The following NPY variants were observed in gnomAD, a reference collection of about 807,000 sequenced individuals.
NPY encodes neuropeptide Y.
In NPY, 11 loss-of-function variants were observed where a neutral mutation model predicts 13.2. That is an observed-to-expected ratio of 0.83 (90% CI 0.52 to 1.38). The LOEUF (loss-of-function observed/expected upper bound fraction) is 1.38, where lower values mean the gene tolerates loss of function less well. Ranked by LOEUF, NPY falls within the 40% of genes most tolerant of loss-of-function variation. NPY has a pLI of 0.00. For synonymous variants in NPY, 51 were observed against 55.6 expected (o/e 0.92, Z 0.37); for missense variants, 109 against 125.1 (o/e 0.87, Z 0.61).
chr7:24,285,433 G>GT lies in NPY; in HGVS notation c.188+6dup. 1 of 1,608,326 alleles carries GT rather than the reference G, an allele frequency of 6.2e-7. No individual in the cohort carries two copies. Among genetic ancestry groups the GT allele is most frequent in the Non-Finnish European group, 8.5e-7 (1 of 1,175,766 alleles). On this transcript the variant is annotated splice_donor_region_variant and intron_variant, in intron 2 of 3. Transcript: ENST00000242152. The surrounding 1 kb of genome is among the most constrained non-coding windows in gnomAD (Gnocchi z 4.9). ...CAACCTCATCACCAGGCAGAGGTGG[G>GT]TGGGACCGCGGGACCGATTCCGGGA...
intron 2 of NPY, among the ~76,000 whole-genome samples, chr7:24,286,077 A>G (rs1181854041): frequency 6.6e-6 from 1 of 152,212 alleles, no homozygotes; most frequent in Non-Finnish European, 1.5e-5. Flanking sequence ...AGGTCTCCCT[A>G]TTTTATAGCT....
intron 2 of NPY, among the ~76,000 whole-genome samples, chr7:24,289,262 A>T (rs1378530411): frequency 2.6e-5 from 4 of 152,214 alleles, no homozygotes. Flanking sequence ...CGGTTTAAAT[A>T]ACCTCCTAGA....
Position 24,285,188 on chromosome 7 carries a change from G to C in NPY, c.1-53G>C. On this transcript the variant is annotated intron_variant, in intron 1 of 3. Coordinates refer to ENST00000242152, the MANE Select transcript of NPY (RefSeq NM_000905.4). This position sits in a 1 kb window ranked among gnomAD's most constrained non-coding sequence, Gnocchi z 4.9. ...GGGGGGCAGAGGAGGGAGGTGCTGC[G>C]CGTGGGTGCTCTGAATCCCCAAGCC... 6.3e-7 allele frequency: 1 copy of C among 1,586,258 alleles called. No individual in the cohort carries two copies. The highest frequency in any genetic ancestry group is 2.2e-5 in the East Asian group (1 of 44,716).
intron 3 of NPY, among the ~76,000 whole-genome samples, chr7:24,290,643 G>T (rs1049124158): frequency 6.6e-6 from 1 of 151,888 alleles, no homozygotes; most frequent in South Asian, 2.1e-4. Flanking sequence ...AGGGAACAAC[G>T]ATTTGAACTG....
At chr7:24,289,302 T>C (rs1467720004) in intron 2 of NPY, among the ~76,000 whole-genome samples, 197 bp from the exon 3 acceptor site, 2 of 152,334 alleles carry the variant, frequency 1.3e-5, no homozygotes, top group East Asian at 3.9e-4. Context: ...AGTTTAAATA[T>C]ATATACAAAT....
At chr7:24,290,365 T>G (rs541035739) in intron 3 of NPY, among the ~76,000 whole-genome samples, 2 of 152,268 alleles carry the variant, frequency 1.3e-5, no homozygotes, top group East Asian at 3.9e-4. Flanking sequence ...AAGATCATAG[T>G]TCACAGGGTC....
At position 24,285,094 on chromosome 7, in the gene NPY, T is replaced by G; in HGVS notation, c.1-147T>G. The G allele has an allele frequency of 1.2e-6, 1 of 838,694 alleles. No individual in the cohort carries two copies. The highest frequency in any genetic ancestry group is 2.0e-5 in the Admixed American group (1 of 49,894). The allele number at this position is 838,694 out of a possible 1,614,324, so 52.0% of individuals were successfully genotyped here. On this transcript the variant is annotated intron_variant, in intron 1 of 3. Transcript: ENST00000242152. The surrounding 1 kb of genome is among the most constrained non-coding windows in gnomAD (Gnocchi z 4.9). ...CCCGCAAGGTGGTGCTAGCCACTCC[T>G]GGGTTCTCTCTGCGGGACTGGGACG...
chr7:24,285,489 G>C lies in NPY; in HGVS notation c.188+61G>C. 6.6e-7 allele frequency: 1 copy of C among 1,510,068 alleles called. No homozygotes were observed. The highest frequency in any genetic ancestry group is 1.8e-5 in the Admixed American group (1 of 55,390). 93.5% of individuals were successfully genotyped at this position (1,510,068 alleles called of 1,614,324 possible). A position where few individuals can be genotyped will look rare whatever the true frequency, so the allele number is the denominator to read the frequency against. The stretch of plus-strand genomic sequence containing the variant: ...AGTGCCTGCACACCAGGAGATCCTG[G>C]GGATGTTAGGGAAAGGGATTGTTTC... On this transcript the variant is annotated intron_variant, in intron 2 of 3. Transcript: ENST00000242152. The surrounding 1 kb of genome is among the most constrained non-coding windows in gnomAD (Gnocchi z 4.9).
At chr7:24,290,253 G>A (rs1426947801) in intron 3 of NPY, among the ~76,000 whole-genome samples, 7 of 152,076 alleles carry the variant, frequency 4.6e-5, no homozygotes, top group Admixed American at 6.5e-5. Flanking sequence ...AGGTTTTCTG[G>A]TGCCTCCTGG....
Position 24,285,203 on chromosome 7 carries a change from A to C in NPY, c.1-38A>C. 1 of 1,611,188 alleles carries C rather than the reference A, an allele frequency of 6.2e-7. No homozygotes were observed. The highest frequency in any genetic ancestry group is 8.5e-7 in the Non-Finnish European group (1 of 1,177,846). On this transcript the variant is annotated intron_variant, in intron 1 of 3. Transcript: ENST00000242152. The surrounding 1 kb of genome is among the most constrained non-coding windows in gnomAD (Gnocchi z 4.9). Reference sequence around the variant, plus strand: ...GAGGTGCTGCGCGTGGGTGCTCTGAATCCCCAAGCCCGTCCGTTGAGCCTT... The same window carrying C: ...GAGGTGCTGCGCGTGGGTGCTCTGACTCCCCAAGCCCGTCCGTTGAGCCTT...
chr7:24,285,466 T>G lies in NPY; in HGVS notation c.188+38T>G. On this transcript the variant is annotated intron_variant, in intron 2 of 3. Coordinates refer to ENST00000242152, the MANE Select transcript of NPY (RefSeq NM_000905.4). The surrounding 1 kb of genome is among the most constrained non-coding windows in gnomAD (Gnocchi z 4.9). ...GCGGGACCGATTCCGGGAGCGCCAG[T>G]GCCTGCACACCAGGAGATCCTGGGG... The G allele has an allele frequency of 6.3e-7, 1 of 1,589,388 alleles. No individual in the cohort carries two copies. Among genetic ancestry groups the G allele is most frequent in the Non-Finnish European group, 8.6e-7 (1 of 1,162,008 alleles).
At chr7:24,289,355 T>A (rs927433175) in intron 2 of NPY, 144 bp from the exon 3 acceptor site, 8 of 456,620 alleles carry the variant, frequency 1.8e-5, no homozygotes, top group Non-Finnish European at 3.1e-5. Flanking sequence ...TAATATATGC[T>A]TCATACACCT....
At position 24,285,441 on chromosome 7, in the gene NPY, G is replaced by A. The variant is rs769952184; in HGVS notation, c.188+13G>A. 4 of 1,604,744 alleles carry A rather than the reference G, an allele frequency of 2.5e-6. No homozygotes were observed. Among genetic ancestry groups the A allele is most frequent in the African/African-American group, 1.3e-5 (1 of 74,740 alleles). On this transcript the variant is annotated intron_variant, in intron 2 of 3. Transcript: ENST00000242152. This position sits in a 1 kb window ranked among gnomAD's most constrained non-coding sequence, Gnocchi z 4.9. ...TCACCAGGCAGAGGTGGGTGGGACC[G>A]CGGGACCGATTCCGGGAGCGCCAGT...
At chr7:24,288,587 G>A (rs1363785110) in intron 2 of NPY, among the ~76,000 whole-genome samples, 3 of 151,260 alleles carry the variant, frequency 2.0e-5, no homozygotes, top group Non-Finnish European at 4.4e-5. Flanking sequence ...AGACTTGTCT[G>A]GCCGTTTTGT....
chr7:24,285,467 G>A lies in NPY; in HGVS notation c.188+39G>A, dbSNP rs1787327510. On this transcript the variant is annotated intron_variant, in intron 2 of 3. Coordinates refer to ENST00000242152, the MANE Select transcript of NPY (RefSeq NM_000905.4). This position sits in a 1 kb window ranked among gnomAD's most constrained non-coding sequence, Gnocchi z 4.9. ...CGGGACCGATTCCGGGAGCGCCAGT[G>A]CCTGCACACCAGGAGATCCTGGGGA... is the stretch of plus-strand genomic sequence containing the variant. 1.3e-6 allele frequency: 2 copies of A among 1,587,210 alleles called. No homozygotes were observed. Among genetic ancestry groups the A allele is most frequent in the African/African-American group, 1.3e-5 (1 of 74,446 alleles).
Position 24,285,056 on chromosome 7 carries a change from A to ACGG in NPY, c.1-182_1-180dup. Reference sequence around the variant, plus strand: ...GAGCAGAGGGGCAGGTCCCGACCGGACGGCGCCCGGAGCCCGCAAGGTGGT... The same window carrying ACGG: ...GAGCAGAGGGGCAGGTCCCGACCGGACGGCGGCGCCCGGAGCCCGCAAGGTGGT... On this transcript the variant is annotated intron_variant, in intron 1 of 3. Coordinates refer to ENST00000242152, the MANE Select transcript of NPY (RefSeq NM_000905.4). The surrounding 1 kb of genome is among the most constrained non-coding windows in gnomAD (Gnocchi z 4.9). The ACGG allele has an allele frequency of 1.6e-6, 1 of 632,006 alleles. No individual in the cohort carries two copies. The highest frequency in any genetic ancestry group is 1.9e-5 in the South Asian group (1 of 52,178). 39.1% of individuals were successfully genotyped at this position (632,006 alleles called of 1,614,324 possible).
intron 2 of NPY, among the ~76,000 whole-genome samples, chr7:24,289,014 G>T (rs528734997): frequency 1.8e-4 from 27 of 152,032 alleles, no homozygotes; most frequent in African/African-American, 6.5e-4. Flanking sequence ...GGTCTTGGAC[G>T]GCAATCTGCT....
At position 24,285,520 on chromosome 7, in the gene NPY, C is replaced by T; in HGVS notation, c.188+92C>T. 1 of 1,331,008 alleles carries T rather than the reference C, an allele frequency of 7.5e-7. No homozygotes were observed. Among genetic ancestry groups the T allele is most frequent in the Non-Finnish European group, 1.0e-6 (1 of 966,062 alleles). The allele number at this position is 1,331,008 out of a possible 1,614,324, so 82.4% of individuals were successfully genotyped here. On this transcript the variant is annotated intron_variant, in intron 2 of 3. Transcript: ENST00000242152. This position sits in a 1 kb window ranked among gnomAD's most constrained non-coding sequence, Gnocchi z 4.9. The stretch of plus-strand genomic sequence containing the variant: ...TTAGGGAAAGGGATTGTTTCTTTTC[C>T]TTCGCTCTATCCCAGGGCAGGACAG...
At chr7:24,289,253 G>A (rs3025115) in intron 2 of NPY, among the ~76,000 whole-genome samples, 6,971 of 151,922 alleles carry the variant, frequency 0.046, 192 homozygotes, top group African/African-American at 0.065. Flanking sequence ...ATTTTGGTTC[G>A]GTTTAAATAA....
Sources: gnomAD v4.1 joint callset for allele counts (sites outside exome capture counted in the v4.1 genomes callset) on GRCh38, gnomAD v4.1.1 for gene constraint, Gnocchi (gnomAD v3.1) non-coding constraint, MANE v1.5 for transcripts, NCBI Gene and HGNC (gene_info 2026-07-23, HGNC 2026-07-21) for gene names.